Variants in JAKMIP2 observed in about 807,000 individuals in gnomAD.
JAKMIP2 encodes the protein janus kinase and microtubule interacting protein 2, also known as janus kinase and microtubule-interacting protein 2.
JAKMIP2 carries 25 observed loss-of-function variants against 115.0 expected under a neutral mutation model. The ratio of observed to expected loss-of-function variants is 0.22; its 90% CI spans 0.16 to 0.30. The LOEUF (loss-of-function observed/expected upper bound fraction) is 0.30. JAKMIP2 is among the 10% of genes least tolerant of loss of function. The pLI is 1.00. For synonymous variants in JAKMIP2, 334 were observed against 343.6 expected, an observed-to-expected ratio of 0.97 and a Z score of 0.31; for missense variants, 642 against 957.6, an observed-to-expected ratio of 0.67 and a Z score of 4.35.
rs1274540419 is a variant in JAKMIP2 at position 147,650,752 on chromosome 5, AT to A, written c.628-206del. Among the ~76,000 whole-genome samples the A allele has an allele frequency of 5.3e-5, 8 of 152,052 alleles. No homozygotes were observed. In the East Asian group the frequency reaches 1.5e-3, roughly 29 times the overall value. ...GGTTAATTAGGTGTCAAGGAGAGTA[AT>A]TTTTTTTCTCTCTAGTATATCCTGT... is the stretch of plus-strand genomic sequence containing the variant. On this transcript the variant is annotated intron_variant, in intron 3 of 21. Transcript: ENST00000616793.
chr5:147,750,561 TACACACACAC>T (rs151015424), intron 1 of JAKMIP2, among the ~76,000 whole-genome samples: 14 of 142,904 alleles, frequency 9.8e-5, no homozygotes, highest in Admixed American at 2.8e-4. Context: ...TGCCAGAAAA[TACACACACAC>T]ACACACACAC....
At chr5:147,641,638 A>G in intron 8 of JAKMIP2, 70 bp downstream of exon 8, 3 of 1,077,390 alleles carry the variant, frequency 2.8e-6, no homozygotes, top group Non-Finnish European at 4.3e-6. Context: ...CTTTGTAGGA[A>G]GATTCCATGC....
intron 2 of JAKMIP2, among the ~76,000 whole-genome samples, chr5:147,669,016 T>C (rs187438544): frequency 6.6e-6 from 1 of 152,318 alleles, no homozygotes; most frequent in East Asian, 1.9e-4. Flanking sequence ...TACTGCCCCA[T>C]TACCCCAAAG....
At chr5:147,726,871 A>C (rs1753541228) in intron 1 of JAKMIP2, among the ~76,000 whole-genome samples, 1 of 152,222 alleles carries the variant, frequency 6.6e-6, no homozygotes, top group African/African-American at 2.4e-5. Context: ...TTCATGTTGT[A>C]GTTAGCCCCA....
intron 2 of JAKMIP2, among the ~76,000 whole-genome samples, 167 bp downstream of exon 2, chr5:147,671,511 C>T (rs904344517): frequency 7.9e-5 from 12 of 152,194 alleles, no homozygotes; most frequent in African/African-American, 2.4e-4. Flanking sequence ...GTGCTCAGTT[C>T]CCTCCTGCCA....
intron 1 of JAKMIP2, among the ~76,000 whole-genome samples, chr5:147,773,234 T>C (rs760408991): frequency 6.6e-6 from 1 of 152,124 alleles, no homozygotes; most frequent in Admixed American, 6.6e-5. Context: ...AAAGTCTGCC[T>C]TGAACGAAAT....
At chr5:147,753,042 A>G (rs908883012) in intron 1 of JAKMIP2, among the ~76,000 whole-genome samples, 6 of 152,190 alleles carry the variant, frequency 3.9e-5, no homozygotes, top group Non-Finnish European at 7.3e-5. Context: ...TCCTCATTCT[A>G]TAACACAAAC....
At chr5:147,629,554 G>A in intron 15 of JAKMIP2, 139 bp downstream of exon 15, 1 of 595,926 alleles carries the variant, frequency 1.7e-6, no homozygotes, top group East Asian at 3.0e-5. Context: ...TTGATAAATT[G>A]TATATTCTTC....
chr5:147,632,601 CAGCGCCT>C, intron 13 of JAKMIP2, 72 bp downstream of exon 13: 1 of 899,274 alleles, frequency 1.1e-6, no homozygotes, highest in Non-Finnish European at 1.8e-6. Flanking sequence ...ATGCTTAATA[CAGCGCCT>C]AGCTCCTCAA....
intron 1 of JAKMIP2, among the ~76,000 whole-genome samples, chr5:147,719,919 A>G (rs929529986): frequency 3.9e-5 from 6 of 152,102 alleles, no homozygotes; most frequent in African/African-American, 1.4e-4. Context: ...TTTGCTCATT[A>G]GTTGATGCAG....
chr5:147,613,891 C>T (rs373385987), intron 19 of JAKMIP2, among the ~76,000 whole-genome samples: 12 of 151,988 alleles, frequency 7.9e-5, no homozygotes, highest in African/African-American at 1.9e-4. Context: ...TAATGAATGC[C>T]GGAGAAAGGG....
At chr5:147,695,235 C>G (rs191436378) in intron 1 of JAKMIP2, among the ~76,000 whole-genome samples, 1 of 152,018 alleles carries the variant, frequency 6.6e-6, no homozygotes, top group Non-Finnish European at 1.5e-5. Context: ...GTTGAATACA[C>G]GCTTAAATAA....
chr5:147,772,607 T>C (rs1197959274), intron 1 of JAKMIP2, among the ~76,000 whole-genome samples: 1 of 151,860 alleles, frequency 6.6e-6, no homozygotes, highest in Non-Finnish European at 1.5e-5. Context: ...AATTATAAAA[T>C]TTGGATAAAA....
At chr5:147,716,985 C>T (rs1218304888) in intron 1 of JAKMIP2, among the ~76,000 whole-genome samples, 21 of 137,956 alleles carry the variant, frequency 1.5e-4, no homozygotes, top group African/African-American at 3.6e-4. Context: ...TTAGGTCTAA[C>T]GTTTAAGTCT....
intron 12 of JAKMIP2, 149 bp downstream of exon 12, chr5:147,636,073 G>A (rs1581330347): frequency 3.2e-6 from 2 of 626,284 alleles, no homozygotes; most frequent in Admixed American, 2.8e-5. Flanking sequence ...TGACAGGGAT[G>A]CGGTTGAGCA....
rs1757943659 is a variant in JAKMIP2, at chr5:147,642,840, A to T, written c.1225-1076T>A. ...CCAAAGGAGGTTTAACGTTTGAGTC[A>T]GTGGACTGGGAAAGGTAGACTCACC... On this transcript the variant is annotated intron_variant, in intron 7 of 21. Coordinates refer to ENST00000616793, the MANE Select transcript of JAKMIP2 (RefSeq NM_001270941.2). Among the ~76,000 whole-genome samples the T allele has an allele frequency of 2.0e-5, 3 of 152,264 alleles. No homozygotes were observed. In the South Asian group the frequency reaches 6.2e-4, roughly 32 times the overall value.
chr5:147,595,374 G>T (rs1755315420), intron 21 of JAKMIP2: 1 of 452,514 alleles, frequency 2.2e-6, no homozygotes, highest in Admixed American at 2.4e-5. Flanking sequence ...GAGCTGGAGA[G>T]AACTAACTTA....
chr5:147,701,363 C>T (rs1398706775), intron 1 of JAKMIP2, among the ~76,000 whole-genome samples: 3 of 152,126 alleles, frequency 2.0e-5, no homozygotes, highest in African/African-American at 7.2e-5. Context: ...GCAGCCTCTA[C>T]TTGAAAAGGA....
At chr5:147,628,673 G>A in intron 16 of JAKMIP2, 78 bp downstream of exon 16, 1 of 1,043,132 alleles carries the variant, frequency 9.6e-7, no homozygotes, top group Non-Finnish European at 1.5e-6. Flanking sequence ...CAGAGGGAAT[G>A]TCCTTCACAC....
Sources: allele counts gnomAD v4.1 joint callset (sites outside exome capture counted in the v4.1 genomes callset), GRCh38; gene constraint gnomAD v4.1.1; transcripts MANE v1.5; gene names NCBI Gene and HGNC (gene_info 2026-07-23, HGNC 2026-07-21).